Variants in NRXN3 observed in about 807,000 individuals in gnomAD.
NRXN3 encodes the protein neurexin 3.
Under a neutral mutation model 137.6 loss-of-function variants are expected in NRXN3, and 32 were observed. The ratio of observed to expected loss-of-function variants is 0.23; its 90% confidence interval spans 0.18 to 0.31. NRXN3 has a LOEUF of 0.31. Ranked by LOEUF, NRXN3 falls within the 10% of genes least tolerant of loss-of-function variation. The probability of loss-of-function intolerance (pLI) is 1.00; values close to 1 mark genes in which losing one functional copy is unlikely to be tolerated. For synonymous variants in NRXN3, 798 were observed against 784.5 expected, an observed-to-expected ratio of 1.02 and a Z score of -0.29; for missense variants, 1,574 against 2,062.5, an observed-to-expected ratio of 0.76 and a Z score of 4.59.
chr14:79,536,218 G>A, intron 16 of NRXN3, among the ~76,000 whole-genome samples: 1 of 152,124 alleles, frequency 6.6e-6, no homozygotes, highest in East Asian at 1.9e-4. Context: ...TGGAAAGGGA[G>A]GAGGAATAAA....
chr14:79,325,541 G>C (rs1214926791), intron 15 of NRXN3, among the ~76,000 whole-genome samples: 1 of 152,178 alleles, frequency 6.6e-6, no homozygotes, highest in East Asian at 1.9e-4. Flanking sequence ...ACATATTTAA[G>C]CAACCTGCTA....
chr14:79,659,282 A>G (rs974830762), intron 16 of NRXN3, among the ~76,000 whole-genome samples: 7 of 152,014 alleles, frequency 4.6e-5, no homozygotes, highest in African/African-American at 1.7e-4. Flanking sequence ...AAGGAAGAAT[A>G]TAGATTGAAG....
At chr14:79,227,945 T>C (rs370091623) in intron 15 of NRXN3, among the ~76,000 whole-genome samples, 1 of 151,530 alleles carries the variant, frequency 6.6e-6, no homozygotes, top group African/African-American at 2.4e-5. Flanking sequence ...AAGATGCCAG[T>C]GACATCTTTC....
chr14:79,172,251 A>G (rs1318774971), intron 15 of NRXN3, among the ~76,000 whole-genome samples: 2 of 151,760 alleles, frequency 1.3e-5, no homozygotes, highest in Non-Finnish European at 2.9e-5. Context: ...TGGCCATAAT[A>G]CTTATTAGTC....
chr14:78,441,127 T>C (rs1394698997), intron 4 of NRXN3, among the ~76,000 whole-genome samples: 1 of 152,154 alleles, frequency 6.6e-6, no homozygotes, highest in Non-Finnish European at 1.5e-5. Context: ...TTAGGAGTAG[T>C]TGATGGCTAG....
At chr14:79,352,972 C>A (rs1246258420) in intron 15 of NRXN3, among the ~76,000 whole-genome samples, 1 of 152,008 alleles carries the variant, frequency 6.6e-6, no homozygotes, top group East Asian at 1.9e-4. Flanking sequence ...GGTTTTGTCA[C>A]CTTAAAGTGG....
intron 1 of NRXN3, among the ~76,000 whole-genome samples, chr14:78,203,141 C>T (rs1192631617): frequency 2.0e-5 from 3 of 152,284 alleles, no homozygotes; most frequent in Non-Finnish European, 2.9e-5. Context: ...GAGGGCTTTC[C>T]CCTGGGAATG....
intron 17 of NRXN3, chr14:79,669,196 A>G (rs989636685): frequency 6.6e-6 from 1 of 152,158 alleles, no homozygotes; most frequent in African/African-American, 2.4e-5. Flanking sequence ...AGGGGGAAAA[A>G]CAGAGAGAGC....
intron 1 of NRXN3, among the ~76,000 whole-genome samples, chr14:78,203,285 G>C (rs970946014): frequency 1.3e-5 from 2 of 152,166 alleles, no homozygotes; most frequent in East Asian, 3.8e-4. Context: ...GGCTTCCTGG[G>C]GCCCAGGGGC....
At chr14:79,480,802 T>C (rs566038846) in intron 16 of NRXN3, among the ~76,000 whole-genome samples, 60 of 152,200 alleles carry the variant, frequency 3.9e-4, no homozygotes, top group African/African-American at 1.3e-3. Context: ...TAAAAGTGTG[T>C]AGCACCTTCC....
At chr14:78,857,980 C>T (rs993332798) in intron 10 of NRXN3, among the ~76,000 whole-genome samples, 21 of 152,022 alleles carry the variant, frequency 1.4e-4, no homozygotes, top group African/African-American at 3.6e-4. Context: ...TCAGCTTTTC[C>T]GGGGATGGTT....
At chr14:79,462,890 GTATGTA>G (rs1287196411) in intron 15 of NRXN3, among the ~76,000 whole-genome samples, 1 of 22,782 alleles carries the variant, frequency 4.4e-5, no homozygotes, top group African/African-American at 1.6e-4. Context: ...ATACACATAT[GTATGTA>G]TATGTATATG....
chr14:79,614,916 G>C (rs1006744643), intron 16 of NRXN3, among the ~76,000 whole-genome samples: 5 of 152,134 alleles, frequency 3.3e-5, no homozygotes, highest in African/African-American at 1.2e-4. Context: ...AGGTCAAAAA[G>C]GAAAAAATAA....
At chr14:78,180,211 A>G (rs1459626396) in intron 1 of NRXN3, among the ~76,000 whole-genome samples, 3 of 152,186 alleles carry the variant, frequency 2.0e-5, no homozygotes, top group East Asian at 1.9e-4. Context: ...TGTGGAAACT[A>G]AGGCTTAGAG....
rs536386695 is a variant in NRXN3, at chr14:79,150,641, T to C, written c.3262+162500T>C. Reference sequence around the variant, plus strand: ...GAAGATCAGACCTCCCAGTAGGAGATCCACCACATAAGCTAAAAATAAGAG... The same window carrying C: ...GAAGATCAGACCTCCCAGTAGGAGACCCACCACATAAGCTAAAAATAAGAG... On this transcript the variant is annotated intron_variant, in intron 15 of 20. Coordinates refer to ENST00000335750, the MANE Select transcript of NRXN3 (RefSeq NM_001330195.2). Among the ~76,000 whole-genome samples, 132 of 150,896 alleles carry C rather than the reference T, an allele frequency of 8.7e-4. 1 individual carries two copies. The highest frequency in any genetic ancestry group is 1.0e-3 in the Non-Finnish European group (71 of 67,832).
In NRXN3 at chr14:78,915,369, A is replaced by C. The variant is rs1273404344; in HGVS notation, c.2276-41873A>C. 6.9e-4 allele frequency among the ~76,000 whole-genome samples: 102 copies of C among 147,230 alleles called. 1 individual carries two copies. The highest frequency in any genetic ancestry group is 2.4e-3 in the African/African-American group (97 of 39,850). ...GCAAAAAAAAAAAAAAAAAAAAAAAAAAACCACACAGAAAAAAAACAAGCA... is the reference window on the plus strand; with the variant it reads ...GCAAAAAAAAAAAAAAAAAAAAAAACAAACCACACAGAAAAAAAACAAGCA... On this transcript the variant is annotated intron_variant, in intron 10 of 20. Coordinates refer to ENST00000335750, the MANE Select transcript of NRXN3 (RefSeq NM_001330195.2).
intron 4 of NRXN3, among the ~76,000 whole-genome samples, chr14:78,396,326 CA>C (rs1303616877): frequency 6.6e-6 from 1 of 152,082 alleles, no homozygotes; most frequent in Non-Finnish European, 1.5e-5. Flanking sequence ...TAGTTAGAAC[CA>C]TGTCACACAG....
chr14:79,411,093 C>G (rs1198186301), intron 15 of NRXN3, among the ~76,000 whole-genome samples: 1 of 152,002 alleles, frequency 6.6e-6, no homozygotes, highest in Non-Finnish European at 1.5e-5. Flanking sequence ...GTAATTTTGT[C>G]CAAGTGGTTA....
intron 15 of NRXN3, among the ~76,000 whole-genome samples, chr14:79,362,762 T>C (rs974515410): frequency 2.6e-5 from 4 of 152,186 alleles, no homozygotes; most frequent in South Asian, 2.1e-4. Context: ...TGCTGCTAAA[T>C]TGGGCTTTAT....
Sources: allele counts gnomAD v4.1 joint callset (sites outside exome capture counted in the v4.1 genomes callset), GRCh38; gene constraint gnomAD v4.1.1; transcripts MANE v1.5; gene names NCBI Gene and HGNC (gene_info 2026-07-23, HGNC 2026-07-21).